ARHGAP32: variants seen among roughly 807,000 people sequenced by gnomAD.
ARHGAP32 encodes the protein rho GTPase-activating protein 32.
A neutral mutation model predicts 186.5 loss-of-function variants in ARHGAP32; 51 were observed. That is an observed-to-expected ratio of 0.27 (90% CI 0.22 to 0.35). ARHGAP32 has a LOEUF of 0.35. ARHGAP32 is among the 10% of genes least tolerant of loss of function. ARHGAP32 has a pLI of 1.00. For missense variants in ARHGAP32, 2,186 were observed against 2,623.5 expected, an observed-to-expected ratio of 0.83 and a Z score of 3.64; for synonymous variants, 950 against 964.3, an observed-to-expected ratio of 0.99 and a Z score of 0.27.
At position 129,192,149 on chromosome 11, in the gene ARHGAP32, C is replaced by G. The variant is rs990835275; in HGVS notation, c.50G>C (p.Trp17Ser). ...SSTLGDDSVF[W>S]LESEVIIQVT... ...CTGGATTATAACTTCAGACTCCAAC[C>G]AGAAGACACTGTCATCCCCTAAAGT... Residue 17 changes from tryptophan to serine, a missense_variant, in exon 1 of 23, where the codon TGG becomes TCG. Coordinates refer to ENST00000682385, the MANE Select transcript of ARHGAP32 (RefSeq NM_001378024.1). The G allele has an allele frequency of 1.2e-6, 2 of 1,613,722 alleles. No individual in the cohort carries two copies. Among genetic ancestry groups the G allele is most frequent in the African/African-American group, 2.7e-5 (2 of 74,912 alleles).
intron 6 of ARHGAP32, among the ~76,000 whole-genome samples, chr11:129,084,519 T>C (rs1941320295): frequency 6.6e-6 from 1 of 152,112 alleles, no homozygotes; most frequent in African/African-American, 2.4e-5. Context: ...AATCAACTAA[T>C]GTAATCCATC....
intron 1 of ARHGAP32, among the ~76,000 whole-genome samples, chr11:129,184,729 A>C (rs1944124331): frequency 6.6e-6 from 1 of 152,122 alleles, no homozygotes; most frequent in South Asian, 2.1e-4. Context: ...CTCCAAACTA[A>C]AGAACGGGTA....
chr11:129,258,117 A>C (rs1288201452), intron 1 of ARHGAP32, among the ~76,000 whole-genome samples: 1 of 152,216 alleles, frequency 6.6e-6, no homozygotes, highest in East Asian at 1.9e-4. Flanking sequence ...CACTAATGTT[A>C]TATGGCAATT....
chr11:129,211,851 C>T (rs1944586059), intron 1 of ARHGAP32, among the ~76,000 whole-genome samples: 1 of 152,094 alleles, frequency 6.6e-6, no homozygotes. Flanking sequence ...AATATCATTC[C>T]TAAATGTAAA....
chr11:129,160,235 C>T (rs149058611), intron 2 of ARHGAP32, among the ~76,000 whole-genome samples: 8 of 152,004 alleles, frequency 5.3e-5, no homozygotes, highest in Admixed American at 4.6e-4. Context: ...CAACATAGTA[C>T]TAGATGTTCT....
chr11:129,034,499 C>G (rs1370888386), intron 11 of ARHGAP32, among the ~76,000 whole-genome samples: 1 of 152,074 alleles, frequency 6.6e-6, no homozygotes, highest in Non-Finnish European at 1.5e-5. Context: ...TTCTATCCCC[C>G]ACCCCTCCTC....
chr11:129,045,150 A>G (rs1407871955), intron 10 of ARHGAP32, among the ~76,000 whole-genome samples: 1 of 152,152 alleles, frequency 6.6e-6, no homozygotes, highest in Non-Finnish European at 1.5e-5. Context: ...ACTACTAGCT[A>G]AACTAGACAG....
At chr11:129,113,861 T>C (rs543883798) in intron 5 of ARHGAP32, among the ~76,000 whole-genome samples, 55 of 152,178 alleles carry the variant, frequency 3.6e-4, no homozygotes, top group Non-Finnish European at 6.2e-4. Flanking sequence ...CAAAACAAAC[T>C]GTACTACTAT....
intron 13 of ARHGAP32, among the ~76,000 whole-genome samples, chr11:128,987,562 A>C (rs1450497898): frequency 6.6e-6 from 1 of 152,218 alleles, no homozygotes; most frequent in Non-Finnish European, 1.5e-5. Context: ...TATTGCAGGC[A>C]CAGAGTTTGT....
At chr11:129,257,281 T>C (rs374104619) in intron 1 of ARHGAP32, among the ~76,000 whole-genome samples, 34 of 152,298 alleles carry the variant, frequency 2.2e-4, no homozygotes, top group African/African-American at 3.1e-4. Context: ...TTGTGACTTA[T>C]GGCACTAGAA....
At chr11:129,066,696 T>C in intron 7 of ARHGAP32, 35 bp downstream of exon 7, 1 of 1,596,290 alleles carries the variant, frequency 6.3e-7, no homozygotes, top group Admixed American at 1.8e-5. Flanking sequence ...TCATATATAG[T>C]GATTACCTCT....
At chr11:129,192,418 C>CGGG (rs1565463786), upstream of ARHGAP32, among the ~76,000 whole-genome samples, 3 of 152,150 alleles carry the variant, frequency 2.0e-5, no homozygotes, top group Non-Finnish European at 4.4e-5. Flanking sequence ...TAGACCCTCC[C>CGGG]ACTGCCTTAG....
intron 9 of ARHGAP32, among the ~76,000 whole-genome samples, chr11:129,063,620 T>C (rs1940587897): frequency 1.3e-5 from 2 of 151,908 alleles, no homozygotes; most frequent in Admixed American, 6.6e-5. Context: ...CAGAATGACA[T>C]TCAATTCAGG....
rs751121614 is a variant in ARHGAP32, at chr11:128,970,523, T to C, written c.4690A>G (p.Lys1564Glu). 3.0e-5 allele frequency: 48 copies of C among 1,614,028 alleles called. No homozygotes were observed. Among genetic ancestry groups the C allele is most frequent in the Non-Finnish European group, 4.0e-5 (47 of 1,180,036 alleles). The part of the protein sequence containing the change: ...PGRNASGHHS[K>E]PCSRVEYVSS... ...ACATACTCGACCCGGCTGCATGGCT[T>C]GGAGTGGTGTCCAGATGCGTTTCTT... The change falls in exon 23 of 23, where the codon AAG becomes GAG. Residue 1564 changes from lysine (K) to glutamate (E), a missense_variant. This residue lies in a region of ARHGAP32 where 1,502 missense variants were observed against 1,570.0 expected (regional missense o/e 0.96). Coordinates refer to ENST00000682385, the MANE Select transcript of ARHGAP32 (RefSeq NM_001378024.1). This position sits in a 1 kb window ranked among gnomAD's most constrained non-coding sequence, Gnocchi z 5.8.
At chr11:129,230,665 A>T (rs971877241) in intron 1 of ARHGAP32, among the ~76,000 whole-genome samples, 2 of 152,176 alleles carry the variant, frequency 1.3e-5, no homozygotes, top group African/African-American at 4.8e-5. Flanking sequence ...CTCATGTATA[A>T]TATTTCACAA....
chr11:129,206,769 AT>A (rs1944519973), intron 1 of ARHGAP32, among the ~76,000 whole-genome samples: 1 of 150,152 alleles, frequency 6.7e-6, no homozygotes, highest in African/African-American at 2.5e-5. Context: ...TTTTTTATGA[AT>A]ATACTTTAAG....
At chr11:129,157,477 C>G (rs1237604497) in intron 2 of ARHGAP32, among the ~76,000 whole-genome samples, 2 of 151,404 alleles carry the variant, frequency 1.3e-5, no homozygotes, top group African/African-American at 4.9e-5. Context: ...AGAAAAGATA[C>G]CAGAGATTGA....
At chr11:129,133,301 C>A (rs967304695) in intron 2 of ARHGAP32, among the ~76,000 whole-genome samples, 2 of 152,138 alleles carry the variant, frequency 1.3e-5, no homozygotes, top group Non-Finnish European at 2.9e-5. Context: ...AGCTCTAACA[C>A]TCATGTCTTC....
chr11:129,265,304 G>A (rs150246367), intron 1 of ARHGAP32, among the ~76,000 whole-genome samples: 140 of 152,252 alleles, frequency 9.2e-4, no homozygotes, highest in African/African-American at 3.2e-3. Context: ...CTTACAGCAG[G>A]GTTTCTCAAC....
Sources: gnomAD v4.1 joint callset for allele counts (sites outside exome capture counted in the v4.1 genomes callset) on GRCh38, gnomAD v4.1.1 for gene constraint, gnomAD v4.1.1 regional missense constraint, Gnocchi (gnomAD v3.1) non-coding constraint, MANE v1.5 for transcripts, NCBI Gene and HGNC (gene_info 2026-07-23, HGNC 2026-07-21) for gene names.